TLE1: variants seen among roughly 807,000 people sequenced by gnomAD.
TLE1 encodes the protein transducin-like enhancer protein 1.
In TLE1, 21 loss-of-function variants were observed where a neutral mutation model predicts 89.8. The observed-to-expected ratio is 0.23, with a 90% CI of 0.17 to 0.34. TLE1 has a LOEUF of 0.34. Ranked by LOEUF, TLE1 falls within the 10% of genes least tolerant of loss-of-function variation. The pLI, the probability that TLE1 is intolerant of heterozygous loss-of-function variation, is 1.00. For synonymous variants in TLE1, 447 were observed against 407.6 expected (o/e 1.10, Z -1.16); for missense variants, 795 against 1,031.2 (o/e 0.77, Z 3.14).
At chr9:81,611,730 G>A (rs749979007) in intron 13 of TLE1, 39 bp downstream of exon 13, 40 of 1,455,046 alleles carry the variant, frequency 2.7e-5, no homozygotes, top group Middle Eastern at 2.5e-4. Context: ...AGCATGCAGC[G>A]TTCCTACCCC....
At chr9:81,602,248 T>C (rs1005712609) in intron 14 of TLE1, among the ~76,000 whole-genome samples, 7 of 152,108 alleles carry the variant, frequency 4.6e-5, no homozygotes, top group African/African-American at 1.2e-4. Context: ...ACACAGGACA[T>C]GGCACCGGAA....
At chr9:81,622,015 C>A (rs746703833) in intron 8 of TLE1, among the ~76,000 whole-genome samples, 1 of 152,046 alleles carries the variant, frequency 6.6e-6, no homozygotes, top group South Asian at 2.1e-4. Context: ...AAAGGTGAGC[C>A]GGCTGGATCC....
At chr9:81,673,791 G>A (rs1204765261) in intron 4 of TLE1, among the ~76,000 whole-genome samples, 1 of 152,078 alleles carries the variant, frequency 6.6e-6, no homozygotes, top group African/African-American at 2.4e-5. Context: ...TGTTGTCATT[G>A]GAAAAGCTTA....
chr9:81,639,589 T>G (rs796647792), intron 6 of TLE1, among the ~76,000 whole-genome samples: 24 of 130,398 alleles, frequency 1.8e-4, no homozygotes, highest in African/African-American at 3.9e-4. Flanking sequence ...TTTTTTTTTG[T>G]TTTTTTTTTT....
chr9:81,584,831 C>T (rs1828126288), intron 18 of TLE1, among the ~76,000 whole-genome samples: 2 of 151,998 alleles, frequency 1.3e-5, no homozygotes, highest in African/African-American at 4.8e-5. Context: ...TAGTCAGTCT[C>T]CTCATGATAA....
At chr9:81,685,505 G>C (rs1588276279) in intron 4 of TLE1, among the ~76,000 whole-genome samples, 171 bp downstream of exon 4, 1 of 152,114 alleles carries the variant, frequency 6.6e-6, no homozygotes, top group Non-Finnish European at 1.5e-5. Flanking sequence ...TAATTATCAA[G>C]AAGCAACCCT....
chr9:81,685,409 C>T (rs1327654595), intron 4 of TLE1, among the ~76,000 whole-genome samples: 1 of 152,184 alleles, frequency 6.6e-6, no homozygotes, highest in Non-Finnish European at 1.5e-5. Flanking sequence ...AAAAAGTAAA[C>T]TCAAGTCTTA....
At chr9:81,656,646 G>A (rs1830181049) in intron 4 of TLE1, among the ~76,000 whole-genome samples, 1 of 152,076 alleles carries the variant, frequency 6.6e-6, no homozygotes. Flanking sequence ...ATACCAAGGG[G>A]TTTCCGTTAC....
chr9:81,588,827 CTG>C (rs761398565), intron 16 of TLE1, among the ~76,000 whole-genome samples: 2 of 152,184 alleles, frequency 1.3e-5, no homozygotes, highest in Non-Finnish European at 2.9e-5. Flanking sequence ...AATTTCAACA[CTG>C]AGAAGAAAGT....
chr9:81,640,815 T>C (rs1348473103), intron 6 of TLE1, among the ~76,000 whole-genome samples: 1 of 152,218 alleles, frequency 6.6e-6, no homozygotes, highest in Non-Finnish European at 1.5e-5. Context: ...CATGTTGTTG[T>C]AGCCTCTAAC....
intron 8 of TLE1, among the ~76,000 whole-genome samples, chr9:81,623,761 G>C (rs1297973816): frequency 1.3e-5 from 2 of 152,054 alleles, no homozygotes; most frequent in East Asian, 3.8e-4. Context: ...CTGCACTCCA[G>C]CCTGGGTGAC....
chr9:81,587,174 TA>T (rs2131750131), intron 17 of TLE1, among the ~76,000 whole-genome samples: 1 of 152,352 alleles, frequency 6.6e-6, no homozygotes, highest in East Asian at 1.9e-4. Flanking sequence ...GGATGAGGAA[TA>T]AAATGGGTAT....
intron 14 of TLE1, among the ~76,000 whole-genome samples, chr9:81,609,903 G>GGCAGA (rs1823478614): frequency 6.6e-6 from 1 of 152,336 alleles, no homozygotes; most frequent in Non-Finnish European, 1.5e-5. Flanking sequence ...CTAGCCAAAT[G>GGCAGA]GCAGAGCAGA....
intron 1 of TLE1, 31 bp downstream of exon 1, chr9:81,688,186 G>A: frequency 6.2e-7 from 1 of 1,600,616 alleles, no homozygotes; most frequent in Non-Finnish European, 8.5e-7. Context: ...CAACGATCCT[G>A]GCCCCCCACC....
chr9:81,679,426 A>G (rs1337805222), intron 4 of TLE1, among the ~76,000 whole-genome samples: 1 of 152,182 alleles, frequency 6.6e-6, no homozygotes, highest in Non-Finnish European at 1.5e-5. Context: ...GGTGAATGGC[A>G]ATACATGAAT....
intron 4 of TLE1, among the ~76,000 whole-genome samples, chr9:81,676,491 T>A (rs1791678123): frequency 1.3e-5 from 2 of 152,166 alleles, no homozygotes; most frequent in South Asian, 2.1e-4. Flanking sequence ...TACAAAAGCC[T>A]GGACTTTTTA....
At chr9:81,615,185 C>T (rs1287673455) in intron 11 of TLE1, among the ~76,000 whole-genome samples, 1 of 144,816 alleles carries the variant, frequency 6.9e-6, no homozygotes, top group Admixed American at 7.0e-5. Flanking sequence ...ATGGTGGTAC[C>T]AGGCGTGGTG....
rs546337164 is a variant in TLE1, at chr9:81,634,053, G to C, written c.577+44C>G. 77 of 1,568,364 alleles carry C rather than the reference G, an allele frequency of 4.9e-5. No individual in the cohort carries two copies. The South Asian group carries it at 8.4e-4, about 17-fold the overall frequency. ...TGCACACAACTTTGCAGCACTGTAA[G>C]AGTATGAGGACAAAGTCCTAATCTG... On this transcript the variant is annotated intron_variant, in intron 7 of 19. Coordinates refer to ENST00000376499, the MANE Select transcript of TLE1 (RefSeq NM_005077.5).
chr9:81,629,584 G>C (rs1044177106), intron 8 of TLE1, among the ~76,000 whole-genome samples: 1 of 152,126 alleles, frequency 6.6e-6, no homozygotes, highest in African/African-American at 2.4e-5. Context: ...CTAAACAACA[G>C]GGATACTTTG....
Sources: gnomAD v4.1 joint callset for allele counts (sites outside exome capture counted in the v4.1 genomes callset) on GRCh38, gnomAD v4.1.1 for gene constraint, MANE v1.5 for transcripts, NCBI Gene and HGNC (gene_info 2026-07-23, HGNC 2026-07-21) for gene names.